Variants in TMEM132D observed in about 807,000 individuals in gnomAD.
TMEM132D encodes mature OL transmembrane protein.
Under a neutral mutation model 62.3 loss-of-function variants are expected in TMEM132D, and 21 were observed. That is an observed-to-expected ratio of 0.34 (90% CI 0.24 to 0.49). The LOEUF is 0.49. Among genes scored for constraint, TMEM132D ranks in the 20% least tolerant of loss-of-function variants. The pLI, the probability that TMEM132D is intolerant of heterozygous loss-of-function variation, is 0.99. For missense variants in TMEM132D, 1,346 were observed against 1,402.8 expected (o/e 0.96, Z 0.65); for synonymous variants, 621 against 575.6 (o/e 1.08, Z -1.13).
intron 3 of TMEM132D, among the ~76,000 whole-genome samples, chr12:129,455,979 G>T (rs1219669793): frequency 6.6e-6 from 1 of 152,152 alleles, no homozygotes; most frequent in African/African-American, 2.4e-5. Flanking sequence ...GATTTAAGTG[G>T]CTATTGCAAT....
At chr12:129,325,126 G>T (rs1434594275) in intron 4 of TMEM132D, among the ~76,000 whole-genome samples, 1 of 152,082 alleles carries the variant, frequency 6.6e-6, no homozygotes, top group African/African-American at 2.4e-5. Flanking sequence ...ATCTGAATTG[G>T]CCCCATCTGA....
chr12:129,473,331 T>TG (rs1874155519), intron 3 of TMEM132D, among the ~76,000 whole-genome samples: 1 of 134,256 alleles, frequency 7.4e-6, no homozygotes, highest in African/African-American at 2.8e-5. Context: ...TTTGTTTTTT[T>TG]TTTTTTTTTT....
intron 1 of TMEM132D, among the ~76,000 whole-genome samples, chr12:129,809,337 C>T (rs951708258): frequency 3.3e-5 from 5 of 149,838 alleles, no homozygotes; most frequent in East Asian, 3.9e-4. Flanking sequence ...TTTTTTTGAA[C>T]GCTCTGAGCA....
chr12:129,618,816 G>A (rs575530474), intron 2 of TMEM132D, among the ~76,000 whole-genome samples: 1 of 152,096 alleles, frequency 6.6e-6, no homozygotes, highest in African/African-American at 2.4e-5. Context: ...TGTGCCCAAG[G>A]CGGTTGGGTA....
At chr12:129,314,860 G>GTTATTTAT (rs60812899) in intron 4 of TMEM132D, among the ~76,000 whole-genome samples, 35 of 151,862 alleles carry the variant, frequency 2.3e-4, no homozygotes, top group African/African-American at 8.4e-4. Flanking sequence ...ATATTCCTAA[G>GTTATTTAT]TTATTTATTT....
At chr12:129,280,099 G>C (rs1190389487) in intron 4 of TMEM132D, among the ~76,000 whole-genome samples, 2 of 152,098 alleles carry the variant, frequency 1.3e-5, no homozygotes, top group Non-Finnish European at 2.9e-5. Flanking sequence ...AAACCCTGCT[G>C]TCTTCATAAA....
chr12:129,791,104 A>G (rs1419655943), intron 1 of TMEM132D, among the ~76,000 whole-genome samples: 2 of 152,188 alleles, frequency 1.3e-5, no homozygotes, highest in Non-Finnish European at 2.9e-5. Context: ...TCAATTGCAT[A>G]CATTTATTTA....
chr12:129,545,450 A>G (rs970002314), intron 2 of TMEM132D, among the ~76,000 whole-genome samples: 2 of 152,026 alleles, frequency 1.3e-5, no homozygotes, highest in Non-Finnish European at 2.9e-5. Context: ...TTTAATATTT[A>G]TATTTCATTG....
intron 2 of TMEM132D, among the ~76,000 whole-genome samples, chr12:129,617,371 C>T (rs1032451190): frequency 6.6e-6 from 1 of 152,220 alleles, no homozygotes; most frequent in African/African-American, 2.4e-5. Context: ...TTGTCTCAGG[C>T]CTCAGCTTCT....
chr12:129,835,436 A>C (rs892245414), intron 1 of TMEM132D, among the ~76,000 whole-genome samples: 2 of 152,006 alleles, frequency 1.3e-5, no homozygotes, highest in African/African-American at 2.4e-5. Flanking sequence ...GATTACAAAC[A>C]AGCGCCACCA....
At chr12:129,197,457 A>G (rs1272514158) in intron 5 of TMEM132D, among the ~76,000 whole-genome samples, 1 of 152,220 alleles carries the variant, frequency 6.6e-6, no homozygotes, top group Non-Finnish European at 1.5e-5. Flanking sequence ...ACCACTTTCA[A>G]TGGAGCAGAA....
intron 5 of TMEM132D, among the ~76,000 whole-genome samples, chr12:129,108,444 G>T (rs189769060): frequency 6.4e-4 from 98 of 152,312 alleles, no homozygotes; most frequent in Admixed American, 7.8e-4. Context: ...TCAAAGTCCT[G>T]GGTAGTAGAC....
chr12:129,580,631 G>A (rs1293818412), intron 2 of TMEM132D, among the ~76,000 whole-genome samples: 2 of 152,096 alleles, frequency 1.3e-5, no homozygotes, highest in Non-Finnish European at 2.9e-5. Flanking sequence ...TTAAACCCGG[G>A]AGGCAAAGGT....
intron 5 of TMEM132D, among the ~76,000 whole-genome samples, chr12:129,199,192 C>T (rs972649570): frequency 6.0e-5 from 9 of 149,914 alleles, no homozygotes; most frequent in Non-Finnish European, 1.2e-4. Context: ...TCACTGCAGC[C>T]TCGACTTCCC....
chr12:129,305,582 AT>A (rs1233305479), intron 4 of TMEM132D, among the ~76,000 whole-genome samples: 1 of 152,246 alleles, frequency 6.6e-6, no homozygotes, highest in Non-Finnish European at 1.5e-5. Context: ...ACTTAAAAAA[AT>A]ATATGCCCAG....
intron 3 of TMEM132D, among the ~76,000 whole-genome samples, chr12:129,356,174 T>TTTC (rs1425494108): frequency 1.8e-5 from 1 of 54,990 alleles, no homozygotes; most frequent in African/African-American, 9.2e-5. Context: ...TTTTTTTTTT[T>TTTC]GAGACGGAGT....
chr12:129,486,658 G>A (rs1874588936), intron 3 of TMEM132D, among the ~76,000 whole-genome samples: 1 of 152,200 alleles, frequency 6.6e-6, no homozygotes, highest in South Asian at 2.1e-4. Context: ...TGTGAGGATT[G>A]TGATGTCCAT....
intron 2 of TMEM132D, among the ~76,000 whole-genome samples, chr12:129,678,953 T>C (rs1334100810): frequency 6.6e-6 from 1 of 152,052 alleles, no homozygotes; most frequent in Non-Finnish European, 1.5e-5. Context: ...TTTTGGGCTT[T>C]TTCTGTTCAT....
chr12:129,231,459 G>A (rs1481915711), intron 4 of TMEM132D, among the ~76,000 whole-genome samples: 1 of 152,190 alleles, frequency 6.6e-6, no homozygotes, highest in African/African-American at 2.4e-5. Flanking sequence ...GGTATAAAAT[G>A]TGTTATATGT....
Sources: allele counts gnomAD v4.1 joint callset (sites outside exome capture counted in the v4.1 genomes callset), GRCh38; gene constraint gnomAD v4.1.1; transcripts MANE v1.5; gene names NCBI Gene and HGNC (gene_info 2026-07-23, HGNC 2026-07-21).